Variants in INTS8 observed in about 807,000 individuals in gnomAD.
INTS8 encodes the protein protein kaonashi-1.
INTS8 carries 47 observed loss-of-function variants against 138.9 expected under a neutral mutation model. That is an observed-to-expected ratio of 0.34 (90% CI 0.27 to 0.43). The LOEUF (loss-of-function observed/expected upper bound fraction) is 0.43, where lower values mean the gene tolerates loss of function less well. Ranked by LOEUF, INTS8 falls within the 20% of genes least tolerant of loss-of-function variation. INTS8 has a pLI of 1.00. For synonymous variants in INTS8, 392 were observed against 400.9 expected, an observed-to-expected ratio of 0.98 and a Z score of 0.27; for missense variants, 996 against 1,173.0, an observed-to-expected ratio of 0.85 and a Z score of 2.20.
chr8:94,846,711 A>G (rs534800133), intron 10 of INTS8, among the ~76,000 whole-genome samples: 17 of 152,314 alleles, frequency 1.1e-4, no homozygotes, highest in Non-Finnish European at 2.1e-4. Flanking sequence ...AATGATGTTT[A>G]TTGTAGGTTT....
intron 6 of INTS8, 144 bp downstream of exon 6, chr8:94,832,318 T>C: frequency 1.6e-6 from 1 of 623,498 alleles, no homozygotes; most frequent in South Asian, 2.2e-5. Context: ...ATTTATACAT[T>C]TATAAGATTT....
chr8:94,824,828 T>C (rs956602280), intron 1 of INTS8, 65 bp from the exon 2 acceptor site: 26 of 426,478 alleles, frequency 6.1e-5, no homozygotes, highest in Non-Finnish European at 8.3e-5. Context: ...AAACCAATAG[T>C]GAATCCTTTT....
chr8:94,870,115 G>A (rs1015013972), intron 20 of INTS8, among the ~76,000 whole-genome samples: 7 of 151,370 alleles, frequency 4.6e-5, no homozygotes, highest in African/African-American at 7.3e-5. Flanking sequence ...GCAGTAGCGC[G>A]ATCTTGGCTC....
chr8:94,875,980 G>A (rs1010489966), intron 23 of INTS8, 94 bp from the exon 24 acceptor site: 1 of 838,806 alleles, frequency 1.2e-6, no homozygotes, highest in African/African-American at 1.7e-5. Flanking sequence ...GATTCAATGT[G>A]ATCTATAAGG....
At chr8:94,834,558 AT>A (rs1272774513) in intron 6 of INTS8, among the ~76,000 whole-genome samples, 1 of 152,014 alleles carries the variant, frequency 6.6e-6, no homozygotes, top group Non-Finnish European at 1.5e-5. Context: ...AAACACAAAA[AT>A]TAGGCGTTGT....
intron 26 of INTS8, among the ~76,000 whole-genome samples, chr8:94,878,263 G>A (rs897704001): frequency 3.3e-5 from 5 of 152,002 alleles, no homozygotes; most frequent in Admixed American, 6.6e-5. Context: ...CATTCTCTTC[G>A]TGGACTCTAA....
intron 20 of INTS8, among the ~76,000 whole-genome samples, chr8:94,871,019 A>G (rs1249141103): frequency 6.6e-6 from 1 of 152,096 alleles, no homozygotes; most frequent in Non-Finnish European, 1.5e-5. Context: ...ATACTTGGAC[A>G]TCCAGCCCCT....
intron 2 of INTS8, 45 bp from the exon 3 acceptor site, chr8:94,827,218 T>G (rs770375521): frequency 6.4e-7 from 1 of 1,569,724 alleles, no homozygotes; most frequent in Admixed American, 1.7e-5. Flanking sequence ...ATTTTGTGTT[T>G]CTTTCACAAT....
At chr8:94,851,303 T>G (rs961717203) in intron 12 of INTS8, among the ~76,000 whole-genome samples, 4 of 152,232 alleles carry the variant, frequency 2.6e-5, no homozygotes, top group Admixed American at 2.0e-4. Flanking sequence ...ATTTTTATCT[T>G]GTTTATATTT....
At chr8:94,874,686 G>A (rs1816514024) in intron 23 of INTS8, 84 bp downstream of exon 23, 1 of 773,944 alleles carries the variant, frequency 1.3e-6, no homozygotes, top group East Asian at 2.8e-5. Flanking sequence ...CTGGAAATTA[G>A]CTTTTATTTT....
At chr8:94,842,993 C>T (rs764370779) in intron 10 of INTS8, among the ~76,000 whole-genome samples, 17 of 152,178 alleles carry the variant, frequency 1.1e-4, no homozygotes, top group Non-Finnish European at 2.2e-4. Flanking sequence ...AAAAATACAA[C>T]GTTGCCAGCA....
intron 16 of INTS8, among the ~76,000 whole-genome samples, chr8:94,863,513 C>T (rs1446534245): frequency 1.3e-5 from 2 of 152,168 alleles, no homozygotes; most frequent in African/African-American, 4.8e-5. Context: ...GTACTGTTGA[C>T]TTATTTCTTT....
chr8:94,826,398 C>T (rs143486924), intron 2 of INTS8, among the ~76,000 whole-genome samples: 14 of 152,270 alleles, frequency 9.2e-5, no homozygotes, highest in African/African-American at 2.9e-4. Flanking sequence ...TCTCCTGCCT[C>T]AGCCTCCCGA....
At chr8:94,850,800 T>TG (rs141153092) in intron 12 of INTS8, among the ~76,000 whole-genome samples, 5,144 of 152,196 alleles carry the variant, frequency 0.034, 90 homozygotes, top group Non-Finnish European at 0.04. Context: ...CTGAACAGCT[T>TG]GGCAGTATTG....
chr8:94,859,739 T>A, intron 16 of INTS8, 107 bp downstream of exon 16: 1 of 857,782 alleles, frequency 1.2e-6, no homozygotes, highest in Non-Finnish European at 1.8e-6. Context: ...TACAAATGAT[T>A]GGACAAATGC....
At position 94,867,393 on chromosome 8, in the gene INTS8, T is replaced by C; in HGVS notation, c.2414+56T>C. 3 of 1,312,316 alleles carry C rather than the reference T, an allele frequency of 2.3e-6. No homozygotes were observed. In the South Asian group the frequency reaches 3.7e-5, roughly 16 times the overall value. 81.3% of individuals were successfully genotyped at this position (1,312,316 alleles called of 1,614,324 possible). On this transcript the variant is annotated intron_variant, in intron 20 of 26. Transcript: ENST00000523731. ...ATTGAGTTATGTATTTGGAAACCAT[T>C]CTGACTAGTATAGATACCCTTAGAT...
intron 16 of INTS8, among the ~76,000 whole-genome samples, chr8:94,864,981 C>T (rs1157935263): frequency 1.3e-5 from 2 of 151,920 alleles, no homozygotes; most frequent in South Asian, 2.1e-4. Flanking sequence ...CTTCAGTTTC[C>T]TTATTCCTTT....
At chr8:94,829,797 TGATTTTACA>T (rs1347571614) in intron 5 of INTS8, among the ~76,000 whole-genome samples, 2 of 152,254 alleles carry the variant, frequency 1.3e-5, no homozygotes, top group Non-Finnish European at 2.9e-5. Flanking sequence ...TACGAGAAAC[TGATTTTACA>T]GGTGACGTCT....
intron 10 of INTS8, among the ~76,000 whole-genome samples, chr8:94,849,242 T>C (rs1302178570): frequency 6.6e-6 from 1 of 152,232 alleles, no homozygotes; most frequent in African/African-American, 2.4e-5. Flanking sequence ...TTGCTACATG[T>C]ATACACCTGC....
Sources: gnomAD v4.1 joint callset for allele counts (sites outside exome capture counted in the v4.1 genomes callset) on GRCh38, gnomAD v4.1.1 for gene constraint, MANE v1.5 for transcripts, NCBI Gene and HGNC (gene_info 2026-07-23, HGNC 2026-07-21) for gene names.